SGMS2: variants seen among roughly 807,000 people sequenced by gnomAD.
The protein encoded by SGMS2 is sphingomyelin synthase 2, also known as phosphatidylcholine:ceramide cholinephosphotransferase 2.
SGMS2 carries 21 observed loss-of-function variants against 43.8 expected under a neutral mutation model. The observed-to-expected ratio is 0.48, with a 90% CI of 0.34 to 0.69. The LOEUF is 0.69. Ranked by LOEUF, SGMS2 falls within the 30% of genes least tolerant of loss-of-function variation. SGMS2 has a pLI of 0.01. For synonymous variants in SGMS2, 167 were observed against 160.6 expected (o/e 1.04, Z -0.30); for missense variants, 384 against 443.2 (o/e 0.87, Z 1.20).
chr4:107,857,596 G>A (rs1277204666), intron 1 of SGMS2, among the ~76,000 whole-genome samples: 1 of 151,620 alleles, frequency 6.6e-6, no homozygotes, highest in East Asian at 1.9e-4. Flanking sequence ...GGTAGTCTCA[G>A]GTTGTATTCT....
chr4:107,883,746 A>G (rs1049871947), intron 2 of SGMS2, among the ~76,000 whole-genome samples: 1 of 152,226 alleles, frequency 6.6e-6, no homozygotes, highest in Admixed American at 6.5e-5. Flanking sequence ...TTGTAAAAAT[A>G]TGTTTTGTAC....
chr4:107,835,714 A>G (rs1455250406), intron 1 of SGMS2, among the ~76,000 whole-genome samples: 1 of 152,224 alleles, frequency 6.6e-6, no homozygotes, highest in Non-Finnish European at 1.5e-5. Flanking sequence ...CAAGTAAGAA[A>G]GCTTCACTAG....
intron 2 of SGMS2, among the ~76,000 whole-genome samples, chr4:107,870,078 C>T (rs775300745): frequency 6.6e-6 from 1 of 152,188 alleles, no homozygotes; most frequent in Non-Finnish European, 1.5e-5. Flanking sequence ...TTTCTCAATA[C>T]TTTTACGTTG....
At chr4:107,891,716 A>G (rs1024219211) in intron 2 of SGMS2, among the ~76,000 whole-genome samples, 3 of 152,118 alleles carry the variant, frequency 2.0e-5, no homozygotes, top group Admixed American at 1.3e-4. Context: ...TACATAGGGC[A>G]TGAAAGATTG....
At chr4:107,883,610 C>A (rs939890866) in intron 2 of SGMS2, among the ~76,000 whole-genome samples, 4 of 152,180 alleles carry the variant, frequency 2.6e-5, no homozygotes, top group Non-Finnish European at 5.9e-5. Flanking sequence ...ATCTGTCTTG[C>A]AATTTTATAG....
At chr4:107,881,400 TCTAGGCTCTG>T (rs1484176192) in intron 2 of SGMS2, among the ~76,000 whole-genome samples, 6 of 152,144 alleles carry the variant, frequency 3.9e-5, no homozygotes, top group Non-Finnish European at 5.9e-5. Flanking sequence ...CCTGGTTAAA[TCTAGGCTCTG>T]CTACTTCCTC....
chr4:107,911,817 A>G lies in SGMS2; in HGVS notation c.*1264A>G, dbSNP rs1017821787. The G allele has an allele frequency of 2.6e-5, 4 of 152,220 alleles. No homozygotes were observed. The highest frequency in any genetic ancestry group is 7.2e-5 in the African/African-American group (3 of 41,456). 9.4% of individuals were successfully genotyped at this position (152,220 alleles called of 1,614,324 possible). On this transcript the variant is annotated 3_prime_UTR_variant, in exon 7 of 7. Coordinates refer to ENST00000690982, the MANE Select transcript of SGMS2 (RefSeq NM_001375905.1). Reference sequence around the variant, plus strand: ...GTGATGCCAAAAAATGGATTAAAAAATCTGATCAGATTTAATGTTACCAGA... The same window carrying G: ...GTGATGCCAAAAAATGGATTAAAAAGTCTGATCAGATTTAATGTTACCAGA...
At chr4:107,836,629 A>G (rs374973473) in intron 1 of SGMS2, among the ~76,000 whole-genome samples, 17 of 152,148 alleles carry the variant, frequency 1.1e-4, no homozygotes, top group East Asian at 9.7e-4. Flanking sequence ...CTCATCGTCT[A>G]CCTCTTGTCC....
At chr4:107,860,585 G>A (rs1382404655) in intron 2 of SGMS2, among the ~76,000 whole-genome samples, 1 of 150,860 alleles carries the variant, frequency 6.6e-6, no homozygotes, top group Non-Finnish European at 1.5e-5. Flanking sequence ...GCAATGGTGC[G>A]ATCTCGGCGG....
chr4:107,848,843 C>T (rs1483561115), intron 1 of SGMS2, among the ~76,000 whole-genome samples: 9 of 152,122 alleles, frequency 5.9e-5, no homozygotes, highest in Non-Finnish European at 1.2e-4. Context: ...TTCTCCTAGT[C>T]AATGACTTGT....
At chr4:107,893,829 C>T (rs748200328) in intron 2 of SGMS2, among the ~76,000 whole-genome samples, 16 of 152,306 alleles carry the variant, frequency 1.1e-4, no homozygotes, top group Middle Eastern at 6.8e-3. Flanking sequence ...AAACCTCTCA[C>T]TTTACCTAGT....
intron 2 of SGMS2, among the ~76,000 whole-genome samples, chr4:107,888,108 G>C (rs902108474): frequency 2.0e-5 from 3 of 152,102 alleles, no homozygotes; most frequent in Non-Finnish European, 2.9e-5. Flanking sequence ...CCTGGGCCTT[G>C]AGGAGTTGAA....
At chr4:107,839,599 C>T (rs754190054) in intron 1 of SGMS2, among the ~76,000 whole-genome samples, 22 of 151,722 alleles carry the variant, frequency 1.5e-4, no homozygotes, top group South Asian at 6.3e-4. Flanking sequence ...TACTGGAGAC[C>T]GTGGTATATA....
intron 2 of SGMS2, among the ~76,000 whole-genome samples, chr4:107,859,695 A>T (rs913149755): frequency 2.6e-5 from 4 of 152,162 alleles, no homozygotes; most frequent in Non-Finnish European, 5.9e-5. Context: ...GAGCTTTAAA[A>T]AAAGCTCTTG....
intron 1 of SGMS2, among the ~76,000 whole-genome samples, chr4:107,828,796 TC>T (rs1725734917): frequency 6.6e-6 from 1 of 152,258 alleles, no homozygotes; most frequent in Non-Finnish European, 1.5e-5. Flanking sequence ...ATTTCTGCGT[TC>T]CTTTAGCATA....
Position 107,903,273 on chromosome 4 carries a change from G to A in SGMS2, c.614G>A (p.Arg205Gln), listed in dbSNP as rs762701795. ...DSQAKVQRIL[R>Q]LISGGGLSIT... The stretch of plus-strand genomic sequence containing the variant: ...CAGGCAAAAGTTCAACGGATTCTAC[G>A]ATTGATTTCTGGTGGTGGATTGTCC... Residue 205 changes from arginine (R) to glutamine (Q), a missense_variant, in exon 5 of 7, where the codon CGA becomes CAA. Arg to Gln is a conservative substitution (Grantham distance 43). Coordinates refer to ENST00000690982, the MANE Select transcript of SGMS2 (RefSeq NM_001375905.1). 1.5e-5 allele frequency: 25 copies of A among 1,613,906 alleles called. No individual in the cohort carries two copies. Among genetic ancestry groups the A allele is most frequent in the Admixed American group, 3.3e-5 (2 of 59,996 alleles).
intron 1 of SGMS2, among the ~76,000 whole-genome samples, 198 bp downstream of exon 1, chr4:107,825,451 T>C (rs905479624): frequency 8.6e-5 from 13 of 150,872 alleles, no homozygotes; most frequent in African/African-American, 3.2e-4. Context: ...CTCTGAGCAG[T>C]CATCTCATTC....
intron 1 of SGMS2, among the ~76,000 whole-genome samples, chr4:107,856,469 C>CCA (rs1490432582): frequency 6.6e-6 from 1 of 152,130 alleles, no homozygotes; most frequent in Non-Finnish European, 1.5e-5. Context: ...ATAAGCTGAC[C>CCA]ATATTAGAAA....
chr4:107,840,205 G>GAT (rs1337107225), intron 1 of SGMS2, among the ~76,000 whole-genome samples: 3 of 152,136 alleles, frequency 2.0e-5, no homozygotes, highest in African/African-American at 7.2e-5. Context: ...ACTGCAGAAA[G>GAT]ATATATATTG....
Sources: gnomAD v4.1 joint callset for allele counts (sites outside exome capture counted in the v4.1 genomes callset) on GRCh38, gnomAD v4.1.1 for gene constraint, MANE v1.5 for transcripts, NCBI Gene and HGNC (gene_info 2026-07-23, HGNC 2026-07-21) for gene names.